Variants in NCAM2 observed in about 807,000 individuals in gnomAD.
The protein encoded by NCAM2 is N-CAM-2.
A neutral mutation model predicts 98.1 loss-of-function variants in NCAM2; 30 were observed. The observed-to-expected ratio is 0.31, with a 90% CI of 0.23 to 0.41. NCAM2 has a LOEUF of 0.41. Ranked by LOEUF, NCAM2 falls within the 10% of genes least tolerant of loss-of-function variation. The probability of loss-of-function intolerance (pLI) is 1.00; values close to 1 mark genes in which losing one functional copy is unlikely to be tolerated. For synonymous variants in NCAM2, 368 were observed against 342.4 expected (o/e 1.07, Z -0.83); for missense variants, 867 against 1,005.8 (o/e 0.86, Z 1.87).
chr21:21,276,523 T>C lies in NCAM2; in HGVS notation c.56-4055T>C, dbSNP rs143418501. Reference sequence around the variant, plus strand: ...TTATGGATAGCTATCAAATGTTTCATTCTTGTCCAATTTTCTCCAAACATA... The same window carrying C: ...TTATGGATAGCTATCAAATGTTTCACTCTTGTCCAATTTTCTCCAAACATA... On this transcript the variant is annotated intron_variant, in intron 1 of 17. Transcript: ENST00000400546. Among the ~76,000 whole-genome samples, 1,461 of 152,202 alleles carry C rather than the reference T, an allele frequency of 9.6e-3. 14 individuals carry two copies. Among genetic ancestry groups the C allele is most frequent in the Non-Finnish European group, 0.015 (1,023 of 67,940 alleles).
rs527402722 is a variant in NCAM2 at position 21,203,013 on chromosome 21, C to A, written c.56-77565C>A. On this transcript the variant is annotated intron_variant, in intron 1 of 17. Transcript: ENST00000400546. ...TTTGTCTCCAATTTCACAGGCTACT[C>A]CAATCTTCAGTTTTTAACCTGGAGT... is the stretch of plus-strand genomic sequence containing the variant. 2.6e-5 allele frequency among the ~76,000 whole-genome samples: 4 copies of A among 152,204 alleles called. No homozygotes were observed. In the East Asian group the frequency reaches 7.7e-4, roughly 29 times the overall value.
intron 1 of NCAM2, among the ~76,000 whole-genome samples, chr21:21,217,713 T>C (rs1226974016): frequency 1.3e-5 from 2 of 152,220 alleles, no homozygotes; most frequent in Non-Finnish European, 1.5e-5. Flanking sequence ...CATCAGTGTT[T>C]ACAAGCAGCA....
intron 1 of NCAM2, among the ~76,000 whole-genome samples, chr21:21,258,595 A>T (rs1368595451): frequency 6.6e-6 from 1 of 152,150 alleles, no homozygotes; most frequent in South Asian, 2.1e-4. Flanking sequence ...AAACACTGTC[A>T]GTGGCAGTAT....
chr21:21,074,175 T>C (rs1639567534), intron 1 of NCAM2, among the ~76,000 whole-genome samples: 1 of 152,136 alleles, frequency 6.6e-6, no homozygotes, highest in Admixed American at 6.5e-5. Flanking sequence ...GTATGCTATA[T>C]TTCTGTCCGT....
At chr21:21,468,480 A>C (rs1298090728) in intron 13 of NCAM2, among the ~76,000 whole-genome samples, 182 bp from the exon 14 acceptor site, 1 of 152,028 alleles carries the variant, frequency 6.6e-6, no homozygotes, top group Non-Finnish European at 1.5e-5. Flanking sequence ...TAGATTTATA[A>C]TGTTGCTGCT....
At chr21:21,035,366 C>T (rs9980267) in intron 1 of NCAM2, among the ~76,000 whole-genome samples, 145,902 of 152,266 alleles carry the variant, frequency 0.96, 70,217 homozygotes, top group East Asian at 1. Flanking sequence ...GTTATTGAAT[C>T]CTAGATAAAT....
chr21:21,097,939 C>T (rs996536329), intron 1 of NCAM2, among the ~76,000 whole-genome samples: 1 of 18,714 alleles, frequency 5.3e-5, no homozygotes, highest in African/African-American at 7.3e-5. Flanking sequence ...GGGCTTGAAT[C>T]AAGAGTAAAA....
intron 1 of NCAM2, chr21:21,223,314 T>A (rs999532006): frequency 6.6e-6 from 1 of 152,112 alleles, no homozygotes; most frequent in Non-Finnish European, 1.5e-5. Flanking sequence ...TTTAAGAGAT[T>A]TACTTTTATT....
chr21:21,214,722 C>CATATAT (rs1555829682), intron 1 of NCAM2, among the ~76,000 whole-genome samples: 97 of 92,606 alleles, frequency 1.0e-3, no homozygotes, highest in Admixed American at 4.0e-3. Flanking sequence ...ATATATATTC[C>CATATAT]ATATATATAT....
At chr21:21,262,987 C>G (rs568786667) in intron 1 of NCAM2, among the ~76,000 whole-genome samples, 13 of 152,022 alleles carry the variant, frequency 8.6e-5, no homozygotes, top group Non-Finnish European at 1.8e-4. Context: ...TACCTCCCAC[C>G]GGGTCACTCC....
chr21:21,362,966 G>A (rs567625527), intron 8 of NCAM2, among the ~76,000 whole-genome samples: 30 of 152,156 alleles, frequency 2.0e-4, no homozygotes, highest in African/African-American at 4.3e-4. Context: ...ATTTAATTCC[G>A]AAGTTCACTA....
At chr21:21,022,261 A>G (rs977666345) in intron 1 of NCAM2, among the ~76,000 whole-genome samples, 3 of 152,104 alleles carry the variant, frequency 2.0e-5, no homozygotes, top group African/African-American at 7.2e-5. Context: ...TTCTTTATTT[A>G]GATTAACTTA....
chr21:21,283,682 A>C, intron 2 of NCAM2, among the ~76,000 whole-genome samples: 1 of 151,938 alleles, frequency 6.6e-6, no homozygotes, highest in East Asian at 1.9e-4. Flanking sequence ...TTTCAAATTT[A>C]GTATTATCAA....
intron 8 of NCAM2, among the ~76,000 whole-genome samples, chr21:21,371,051 A>G (rs2148038194): frequency 6.6e-6 from 1 of 151,966 alleles, no homozygotes; most frequent in East Asian, 1.9e-4. Context: ...TGCTGGGTGA[A>G]ATGGTAATTA....
intron 1 of NCAM2, among the ~76,000 whole-genome samples, chr21:21,134,305 C>T (rs376550239): frequency 5.3e-4 from 81 of 152,116 alleles, no homozygotes; most frequent in African/African-American, 1.9e-3. Context: ...CTCCTGACCT[C>T]GTGATCTGCG....
At chr21:21,231,466 TTATTA>T (rs2070622571) in intron 1 of NCAM2, among the ~76,000 whole-genome samples, 1 of 151,412 alleles carries the variant, frequency 6.6e-6, no homozygotes, top group South Asian at 2.1e-4. Flanking sequence ...AAGACTTGGC[TTATTA>T]TAAGTATAAT....
intron 1 of NCAM2, among the ~76,000 whole-genome samples, chr21:21,029,384 G>A (rs1210972446): frequency 6.6e-6 from 1 of 152,132 alleles, no homozygotes; most frequent in African/African-American, 2.4e-5. Flanking sequence ...TTTGTGACCA[G>A]AATGGCAAGT....
intron 9 of NCAM2, among the ~76,000 whole-genome samples, chr21:21,376,959 A>T (rs232525): frequency 0.37 from 55,667 of 151,536 alleles, 10,457 homozygotes; most frequent in East Asian, 0.58. Flanking sequence ...ATTAATATAC[A>T]TTGAAAAAAA....
At chr21:21,519,987 T>C (rs1988926507) in intron 16 of NCAM2, among the ~76,000 whole-genome samples, 1 of 152,102 alleles carries the variant, frequency 6.6e-6, no homozygotes, top group African/African-American at 2.4e-5. Context: ...TAGAGGATAG[T>C]ATTAGTGTAA....
Sources: allele counts gnomAD v4.1 joint callset (sites outside exome capture counted in the v4.1 genomes callset), GRCh38; gene constraint gnomAD v4.1.1; transcripts MANE v1.5; gene names NCBI Gene and HGNC (gene_info 2026-07-23, HGNC 2026-07-21).